Variants in CAPN8 observed in about 807,000 individuals in gnomAD.
The protein encoded by CAPN8 is calpain-8.
A neutral mutation model predicts 80.9 loss-of-function variants in CAPN8; 87 were observed. That is an observed-to-expected ratio of 1.07 (90% CI 0.90 to 1.28). The LOEUF (loss-of-function observed/expected upper bound fraction) is 1.28. Among genes scored for constraint, CAPN8 ranks in the 50% most tolerant of loss-of-function variants. CAPN8 has a pLI of 0.00. For synonymous variants in CAPN8, 299 were observed against 273.8 expected (o/e 1.09, Z -0.91); for missense variants, 757 against 702.0 (o/e 1.08, Z -0.89).
intron 11 of CAPN8, among the ~76,000 whole-genome samples, chr1:223,609,712 T>C: frequency 6.6e-6 from 1 of 152,218 alleles, no homozygotes. Context: ...ATTCTGCAGC[T>C]GTCTCTGGGA....
At chr1:223,620,107 A>G (rs1657338824) in intron 8 of CAPN8, 85 bp downstream of exon 8, 1 of 1,162,726 alleles carries the variant, frequency 8.6e-7, no homozygotes, top group Admixed American at 2.0e-5. Flanking sequence ...GCCTTCCTGG[A>G]AGACCCAGAG....
At chr1:223,655,301 C>T (rs549500963) in intron 1 of CAPN8, among the ~76,000 whole-genome samples, 2 of 152,320 alleles carry the variant, frequency 1.3e-5, no homozygotes, top group African/African-American at 2.4e-5. Flanking sequence ...GATACATTCA[C>T]ATATCTGACC....
chr1:223,653,980 G>A (rs2096345), intron 2 of CAPN8, among the ~76,000 whole-genome samples: 34,315 of 152,088 alleles, frequency 0.23, 4,079 homozygotes, highest in East Asian at 0.42. Context: ...CCATTCCAAA[G>A]GACAAATTAT....
At chr1:223,549,252 G>T in intron 16 of CAPN8, 66 bp downstream of exon 16, 2 of 1,532,480 alleles carry the variant, frequency 1.3e-6, no homozygotes, top group Non-Finnish European at 8.8e-7. Flanking sequence ...ACTGGAAAAG[G>T]TGGAGGAGTC....
chr1:223,624,143 T>G (rs1657490156), intron 6 of CAPN8, among the ~76,000 whole-genome samples: 1 of 152,180 alleles, frequency 6.6e-6, no homozygotes. Flanking sequence ...AGTGGTGCAA[T>G]CACTGCAGGC....
rs35963840 is a variant in CAPN8 at position 223,635,600 on chromosome 1, T to C, written c.308-6820A>G. Among the ~76,000 whole-genome samples the C allele has an allele frequency of 8.7e-3, 1,215 of 139,260 alleles. 23 individuals are homozygous for C. The highest frequency in any genetic ancestry group is 0.04 in the Middle Eastern group (10 of 250). The allele number at this position is 139,260 out of a possible 152,430, so 91.4% of individuals were successfully genotyped here. On this transcript the variant is annotated intron_variant, in intron 2 of 20. Coordinates refer to ENST00000366872, the MANE Select transcript of CAPN8 (RefSeq NM_001143962.2). Reference sequence around the variant, plus strand: ...AATTGTATCAAAGGTTATTTGAAAATTCAGACCTTGAGTAGTCTATCACTA... The same window carrying C: ...AATTGTATCAAAGGTTATTTGAAAACTCAGACCTTGAGTAGTCTATCACTA...
intron 1 of CAPN8, among the ~76,000 whole-genome samples, chr1:223,663,916 C>T (rs1168233255): frequency 6.6e-6 from 1 of 152,150 alleles, no homozygotes; most frequent in Non-Finnish European, 1.5e-5. Context: ...TCAACCACTG[C>T]CAAGAAAATA....
At chr1:223,661,412 C>T (rs1266688613) in intron 1 of CAPN8, among the ~76,000 whole-genome samples, 1 of 151,826 alleles carries the variant, frequency 6.6e-6, no homozygotes, top group African/African-American at 2.4e-5. Flanking sequence ...GGCAGATCAA[C>T]TGAGGTCAGG....
chr1:223,622,652 C>T, intron 7 of CAPN8, 163 bp downstream of exon 7: 2 of 621,138 alleles, frequency 3.2e-6, no homozygotes, highest in Admixed American at 6.0e-5. Context: ...TTTGCTTTTC[C>T]CAGCCTGGAT....
rs150644245 is a variant in CAPN8, at chr1:223,614,170, G to A, written c.1311+1800C>T. ...TGCCCGCACTTTGGGAGGCCAAAGC[G>A]GGTGGATCACCTGAGGTCAGGAATT... is the stretch of plus-strand genomic sequence containing the variant. On this transcript the variant is annotated intron_variant, in intron 10 of 20. Coordinates refer to ENST00000366872, the MANE Select transcript of CAPN8 (RefSeq NM_001143962.2). Among the ~76,000 whole-genome samples the A allele has an allele frequency of 5.5e-4, 84 of 152,264 alleles. 1 individual carries two copies. The East Asian group carries it at 0.015, about 28-fold the overall frequency.
At chr1:223,545,007 G>C in intron 17 of CAPN8, 157 bp from the exon 18 acceptor site, 1 of 1,448,322 alleles carries the variant, frequency 6.9e-7, no homozygotes, top group Non-Finnish European at 9.2e-7. Flanking sequence ...AAGCATAAGA[G>C]CTTGGCCAGT....
intron 2 of CAPN8, among the ~76,000 whole-genome samples, chr1:223,653,287 G>A (rs1181355681): frequency 2.0e-5 from 3 of 151,606 alleles, no homozygotes; most frequent in African/African-American, 7.3e-5. Flanking sequence ...CGCTCTGTGA[G>A]CTCTTTCTAA....
chr1:223,619,414 C>T lies in CAPN8; in HGVS notation c.1014G>A (p.Leu338=), dbSNP rs1657309053. ...AGTCCGGGGACAGGTTGCAGATCTC[C>T]AACCGAGAGAACTGCCTCACGAAAT... ...LSDFVRQFSR[L]EICNLSPDSL... The change falls in exon 9 of 21, where the codon TTG becomes TTA. Residue 338 remains leucine (L), a synonymous_variant. Coordinates refer to ENST00000366872, the MANE Select transcript of CAPN8 (RefSeq NM_001143962.2). The T allele has an allele frequency of 6.4e-7, 1 of 1,551,680 alleles. No individual in the cohort carries two copies. The highest frequency in any genetic ancestry group is 8.7e-7 in the Non-Finnish European group (1 of 1,147,008).
chr1:223,618,625 G>A (rs144799633), intron 9 of CAPN8, among the ~76,000 whole-genome samples: 1 of 152,240 alleles, frequency 6.6e-6, no homozygotes, highest in Non-Finnish European at 1.5e-5. Context: ...GTGGGGAGGG[G>A]AGTGGGGAGG....
intron 2 of CAPN8, 55 bp from the exon 3 acceptor site, chr1:223,628,835 G>T: frequency 7.2e-7 from 1 of 1,392,016 alleles, no homozygotes; most frequent in South Asian, 1.3e-5. Context: ...CAGGGGCCCT[G>T]CTTTCTCTGA....
Position 223,618,833 on chromosome 1 carries a change from G to A in CAPN8, c.1135+460C>T, listed in dbSNP as rs1657285525. On this transcript the variant is annotated intron_variant, in intron 9 of 20. Transcript: ENST00000366872. ...AACCCTGGCCTCCAAGCCCTAGGGA[G>A]AAGCAGGGCCTCCAGAGGGTGCCCA... 3.3e-5 allele frequency among the ~76,000 whole-genome samples: 5 copies of A among 152,226 alleles called. No individual in the cohort carries two copies. In the South Asian group the frequency reaches 1.0e-3, roughly 32 times the overall value.
intron 2 of CAPN8, among the ~76,000 whole-genome samples, chr1:223,653,370 A>G (rs1451927223): frequency 1.3e-5 from 2 of 151,992 alleles, no homozygotes; most frequent in African/African-American, 4.8e-5. Flanking sequence ...TGATTTTCAA[A>G]ATCATGAACA....
chr1:223,619,148 C>G, intron 9 of CAPN8, 145 bp downstream of exon 9: 1 of 918,900 alleles, frequency 1.1e-6, no homozygotes, highest in African/African-American at 1.7e-5. Flanking sequence ...GAGCAGAGAT[C>G]GTGCCACTAC....
intron 2 of CAPN8, among the ~76,000 whole-genome samples, chr1:223,644,671 C>T (rs1000253193): frequency 9.9e-5 from 15 of 152,084 alleles, no homozygotes; most frequent in East Asian, 1.9e-4. Flanking sequence ...CGCTAGGAAA[C>T]GCAAGGCAGT....
Sources: gnomAD v4.1 joint callset for allele counts (sites outside exome capture counted in the v4.1 genomes callset) on GRCh38, gnomAD v4.1.1 for gene constraint, MANE v1.5 for transcripts, NCBI Gene and HGNC (gene_info 2026-07-23, HGNC 2026-07-21) for gene names.